The following DPP6 variants were observed in gnomAD, a reference collection of about 807,000 sequenced individuals.
DPP6 encodes A-type potassium channel modulatory protein DPP6.
A neutral mutation model predicts 122.6 loss-of-function variants in DPP6; 69 were observed. The observed-to-expected ratio is 0.56, with a 90% CI of 0.46 to 0.69. The LOEUF is 0.69. Ranked by LOEUF, DPP6 falls within the 30% of genes least tolerant of loss-of-function variation. DPP6 has a pLI of 0.00. For missense variants in DPP6, 928 were observed against 1,116.9 expected (o/e 0.83, Z 2.41); for synonymous variants, 418 against 433.1 (o/e 0.97, Z 0.43).
intron 1 of DPP6, among the ~76,000 whole-genome samples, chr7:153,927,715 CT>C (rs1405115339): frequency 6.6e-6 from 1 of 152,030 alleles, no homozygotes; most frequent in African/African-American, 2.4e-5. Context: ...TCCAACCACC[CT>C]AGGAAGACTT....
At chr7:154,099,439 A>G (rs565169370) in intron 1 of DPP6, among the ~76,000 whole-genome samples, 3 of 152,224 alleles carry the variant, frequency 2.0e-5, no homozygotes, top group South Asian at 2.1e-4. Context: ...GTGATAAATT[A>G]TAAAGGAAAA....
chr7:154,179,220 T>A (rs1797957361), intron 1 of DPP6, among the ~76,000 whole-genome samples: 1 of 152,186 alleles, frequency 6.6e-6, no homozygotes, highest in Non-Finnish European at 1.5e-5. Context: ...GAACTCAGCA[T>A]TGCATTCAAA....
At chr7:154,288,323 C>T (rs534490035) in intron 1 of DPP6, among the ~76,000 whole-genome samples, 18 of 152,200 alleles carry the variant, frequency 1.2e-4, no homozygotes, top group African/African-American at 2.4e-4. Flanking sequence ...GCATCAGGAC[C>T]GAGGGAATAT....
At chr7:153,833,493 G>A in the DPP6 span, among the ~76,000 whole-genome samples, 1 of 152,104 alleles carries the variant, frequency 6.6e-6, no homozygotes, top group South Asian at 2.1e-4. Flanking sequence ...GGCCAACATG[G>A]CAAAACCCCG....
chr7:154,127,638 C>CACACACACACAG (rs1808013755), intron 1 of DPP6, among the ~76,000 whole-genome samples: 1 of 109,098 alleles, frequency 9.2e-6, no homozygotes, highest in African/African-American at 4.3e-5. Context: ...CACACAGACA[C>CACACACACACAG]ACACACACAC....
chr7:154,522,120 C>A (rs907561968), intron 3 of DPP6, among the ~76,000 whole-genome samples: 2 of 152,116 alleles, frequency 1.3e-5, no homozygotes, highest in Admixed American at 1.3e-4. Context: ...CCTGCCACCA[C>A]GCCCGGCTAA....
intron 2 of DPP6, among the ~76,000 whole-genome samples, chr7:154,462,875 C>T (rs2151320749): frequency 6.7e-6 from 1 of 148,344 alleles, no homozygotes; most frequent in African/African-American, 2.5e-5. Flanking sequence ...TGTTCAATTC[C>T]CACCTATGAG....
intron 1 of DPP6, among the ~76,000 whole-genome samples, chr7:153,888,264 C>G (rs1476347096): frequency 6.6e-6 from 1 of 152,222 alleles, no homozygotes; most frequent in African/African-American, 2.4e-5. Flanking sequence ...GGGCGGGACC[C>G]TGCTCCCTGG....
intron 1 of DPP6, among the ~76,000 whole-genome samples, chr7:154,384,852 A>T (rs994584210): frequency 5.9e-5 from 9 of 151,942 alleles, no homozygotes; most frequent in African/African-American, 1.9e-4. Context: ...ATTAGGGTAC[A>T]TATAGACAGT....
At chr7:154,415,879 C>T (rs1436797919) in intron 1 of DPP6, among the ~76,000 whole-genome samples, 1 of 151,474 alleles carries the variant, frequency 6.6e-6, no homozygotes, top group African/African-American at 2.4e-5. Context: ...GAATTGTACT[C>T]GATGGACTTG....
At chr7:153,848,261 C>T in the DPP6 span, among the ~76,000 whole-genome samples, 249 of 149,872 alleles carry the variant, frequency 1.7e-3, no homozygotes, top group Non-Finnish European at 2.7e-3. Flanking sequence ...CCCCCAACCC[C>T]TACCCCCACC....
At chr7:154,635,497 A>G (rs1835678620) in intron 5 of DPP6, among the ~76,000 whole-genome samples, 1 of 152,238 alleles carries the variant, frequency 6.6e-6, no homozygotes, top group Admixed American at 6.5e-5. Context: ...GAAGAAACGT[A>G]TCTAAATCTG....
At chr7:154,521,697 G>A (rs930309265) in intron 3 of DPP6, among the ~76,000 whole-genome samples, 3 of 152,104 alleles carry the variant, frequency 2.0e-5, no homozygotes, top group African/African-American at 2.4e-5. Flanking sequence ...TTGAAAGTAC[G>A]AAAGTACTTA....
At chr7:154,040,151 T>C (rs1470972480) in intron 1 of DPP6, among the ~76,000 whole-genome samples, 2 of 139,346 alleles carry the variant, frequency 1.4e-5, no homozygotes, top group East Asian at 4.0e-4. Context: ...ATCCGAGGGT[T>C]ATACAAATCA....
intron 25 of DPP6, 44 bp downstream of exon 25, chr7:154,889,574 T>C (rs1378644371): frequency 6.4e-7 from 1 of 1,574,652 alleles, no homozygotes; most frequent in African/African-American, 1.4e-5. Flanking sequence ...GAGCAAGACA[T>C]TCCTTTCATG....
In DPP6 at chr7:154,693,679, G is replaced by A. The variant is rs1169036303; in HGVS notation, c.762+24238G>A. Among the ~76,000 whole-genome samples the A allele has an allele frequency of 2.0e-5, 3 of 152,126 alleles. No individual in the cohort carries two copies. The East Asian group carries it at 5.8e-4, about 29-fold the overall frequency. On this transcript the variant is annotated intron_variant, in intron 7 of 25. Coordinates refer to ENST00000377770, the MANE Select transcript of DPP6 (RefSeq NM_130797.4). ...TCCTGAGGGGGTTCTGGCCACATCT[G>A]CCTTTAGGAAAGATCTGTTCATTGG...
chr7:154,083,909 T>C (rs1804213822), intron 1 of DPP6, among the ~76,000 whole-genome samples: 1 of 146,588 alleles, frequency 6.8e-6, no homozygotes, highest in Non-Finnish European at 1.5e-5. Flanking sequence ...AGCTGCCTTA[T>C]GAATCATGAG....
In DPP6 at chr7:154,489,137, G is replaced by A. The variant is rs1483123430; in HGVS notation, c.457+14100G>A. Among the ~76,000 whole-genome samples, 2 of 152,146 alleles carry A rather than the reference G, an allele frequency of 1.3e-5. 1 individual carries two copies. Among genetic ancestry groups the A allele is most frequent in the South Asian group, 4.1e-4 (2 of 4,820 alleles). The stretch of plus-strand genomic sequence containing the variant: ...TGCCCCTTTTTCTCTTGTTTATGGG[G>A]TCTTCCAACAACTGCATGGCCTGGT... On this transcript the variant is annotated intron_variant, in intron 3 of 25. Coordinates refer to ENST00000377770, the MANE Select transcript of DPP6 (RefSeq NM_130797.4).
chr7:153,977,913 A>G (rs1379832601), intron 1 of DPP6, among the ~76,000 whole-genome samples: 1 of 152,016 alleles, frequency 6.6e-6, no homozygotes, highest in African/African-American at 2.4e-5. Flanking sequence ...ATAGTATTCC[A>G]TGGTGTATAT....
Sources: gnomAD v4.1 joint callset for allele counts (sites outside exome capture counted in the v4.1 genomes callset) on GRCh38, gnomAD v4.1.1 for gene constraint, MANE v1.5 for transcripts, NCBI Gene and HGNC (gene_info 2026-07-23, HGNC 2026-07-21) for gene names.